Variants in GABRR2 observed in about 807,000 individuals in gnomAD.
GABRR2 encodes gamma-aminobutyric acid type A receptor subunit rho2, also known as gamma-aminobutyric acid receptor subunit rho-2.
Under a neutral mutation model 47.0 loss-of-function variants are expected in GABRR2, and 36 were observed. That is an observed-to-expected ratio of 0.77 (90% confidence interval 0.59 to 1.01). The LOEUF (loss-of-function observed/expected upper bound fraction) is 1.01, where lower values mean the gene tolerates loss of function less well. GABRR2 is among the 50% of genes least tolerant of loss of function. The pLI, the probability that GABRR2 is intolerant of heterozygous loss-of-function variation, is 0.00. For missense variants in GABRR2, 587 were observed against 594.6 expected, an observed-to-expected ratio of 0.99 and a Z score of 0.13; for synonymous variants, 204 against 227.5, an observed-to-expected ratio of 0.90 and a Z score of 0.93.
chr6:89,296,690 T>C (rs909513535), intron 2 of GABRR2, among the ~76,000 whole-genome samples: 5 of 152,188 alleles, frequency 3.3e-5, no homozygotes, highest in Non-Finnish European at 7.3e-5. Flanking sequence ...GATGCAGTGG[T>C]CACACCACAA....
chr6:89,314,721 C>G (rs1767733328), intron 1 of GABRR2, among the ~76,000 whole-genome samples: 1 of 152,034 alleles, frequency 6.6e-6, no homozygotes, highest in Non-Finnish European at 1.5e-5. Flanking sequence ...CGGTTGTAAC[C>G]CTGAGAAACA....
chr6:89,268,895 C>T, intron 4 of GABRR2, 116 bp downstream of exon 4: 2 of 823,878 alleles, frequency 2.4e-6, no homozygotes, highest in African/African-American at 1.7e-5. Flanking sequence ...TCAGAAGGCT[C>T]CTCCCATCCA....
intron 3 of GABRR2, 42 bp from the exon 4 acceptor site, chr6:89,269,276 G>A (rs1425316533): frequency 6.7e-7 from 1 of 1,491,418 alleles, no homozygotes; most frequent in African/African-American, 1.4e-5. Flanking sequence ...TGGCTTAGAA[G>A]GTTTTCTTCC....
intron 8 of GABRR2, among the ~76,000 whole-genome samples, chr6:89,260,270 A>G (rs1773716951): frequency 6.6e-6 from 1 of 152,168 alleles, no homozygotes; most frequent in Non-Finnish European, 1.5e-5. Context: ...TGATATTATC[A>G]TTGGGGGGTT....
At chr6:89,269,913 T>A (rs1368594339) in intron 3 of GABRR2, among the ~76,000 whole-genome samples, 1 of 152,192 alleles carries the variant, frequency 6.6e-6, no homozygotes, top group Non-Finnish European at 1.5e-5. Context: ...AAGAGTTTGG[T>A]CCTTCCCCAT....
chr6:89,267,103 A>G (rs1271447266), intron 6 of GABRR2, among the ~76,000 whole-genome samples: 1 of 149,832 alleles, frequency 6.7e-6, no homozygotes, highest in Non-Finnish European at 1.5e-5. Flanking sequence ...GGGTTCAAGC[A>G]ATTCTCCTGT....
At chr6:89,273,288 A>G (rs1261131424) in intron 2 of GABRR2, among the ~76,000 whole-genome samples, 1 of 152,184 alleles carries the variant, frequency 6.6e-6, no homozygotes, top group Non-Finnish European at 1.5e-5. Flanking sequence ...GCTGGAGTAC[A>G]GTGGCACAAT....
chr6:89,306,534 A>G (rs1291713328), intron 1 of GABRR2, among the ~76,000 whole-genome samples: 1 of 152,198 alleles, frequency 6.6e-6, no homozygotes, highest in Non-Finnish European at 1.5e-5. Context: ...CCTCCTTAGA[A>G]AGACAATTCA....
At chr6:89,271,268 G>A (rs1414141287) in intron 3 of GABRR2, among the ~76,000 whole-genome samples, 1 of 152,086 alleles carries the variant, frequency 6.6e-6, no homozygotes, top group Non-Finnish European at 1.5e-5. Flanking sequence ...GTGAGTAGGG[G>A]GACTGCACTT....
chr6:89,263,015 A>G (rs1270582612), intron 8 of GABRR2, among the ~76,000 whole-genome samples: 1 of 152,256 alleles, frequency 6.6e-6, no homozygotes, highest in African/African-American at 2.4e-5. Context: ...ATGGCTTTGT[A>G]AAATCTCCCA....
At chr6:89,262,427 C>T (rs982926653) in intron 8 of GABRR2, among the ~76,000 whole-genome samples, 1 of 152,232 alleles carries the variant, frequency 6.6e-6, no homozygotes, top group Non-Finnish European at 1.5e-5. Flanking sequence ...CCTACTCCAA[C>T]ACCTTCTCCT....
chr6:89,299,966 T>C, intron 1 of GABRR2, 101 bp from the exon 2 acceptor site: 1 of 745,248 alleles, frequency 1.3e-6, no homozygotes, highest in Non-Finnish European at 2.3e-6. Flanking sequence ...GTTAGGTACC[T>C]TTTCTCCATT....
chr6:89,293,227 A>T (rs1247257285), intron 2 of GABRR2, among the ~76,000 whole-genome samples: 7 of 152,226 alleles, frequency 4.6e-5, no homozygotes, highest in African/African-American at 1.7e-4. Flanking sequence ...TAATTCCTAT[A>T]TGATGTTGTT....
intron 2 of GABRR2, among the ~76,000 whole-genome samples, chr6:89,274,342 G>A (rs543390333): frequency 3.3e-5 from 5 of 152,260 alleles, no homozygotes; most frequent in Non-Finnish European, 5.9e-5. Flanking sequence ...TGGTCTGAGC[G>A]CTGCCTTTGA....
chr6:89,269,715 T>C (rs1774003228), intron 3 of GABRR2, among the ~76,000 whole-genome samples: 1 of 152,230 alleles, frequency 6.6e-6, no homozygotes, highest in South Asian at 2.1e-4. Context: ...TGCCCACCAT[T>C]GCATCCCCAT....
Position 89,314,971 on chromosome 6 carries a change from C to T in GABRR2, c.113+82G>A, listed in dbSNP as rs145522581. 43 of 1,234,420 alleles carry T rather than the reference C, an allele frequency of 3.5e-5. 1 individual carries two copies. Among genetic ancestry groups the T allele is most frequent in the African/African-American group, 3.4e-4 (23 of 66,934 alleles). 76.5% of individuals were successfully genotyped at this position (1,234,420 alleles called of 1,614,324 possible). A position where few individuals can be genotyped will look rare whatever the true frequency, so the allele number is the denominator to read the frequency against. On this transcript the variant is annotated intron_variant, in intron 1 of 8. Transcript: ENST00000402938. ...GGGCGATATCTCAATAGGACCTTAG[C>T]CCCCTGGGGAGCCATCCCACTGTGC...
In GABRR2 at chr6:89,265,681, A is replaced by C; in HGVS notation, c.821T>G (p.Leu274Arg). Residue 274 changes from leucine (L) to arginine (R), a missense_variant, in exon 7 of 9, where the codon CTG (leucine) becomes CGG (arginine). Coordinates refer to ENST00000402938, the MANE Select transcript of GABRR2 (RefSeq NM_002043.5). ...GGACACCCAGGACAGCATGACCATC[A>C]GAGTGGCAGGGAAATATGTTTGGAG... is the stretch of plus-strand genomic sequence containing the variant. ...FLLQTYFPAT[L>R]MVMLSWVSFW... The C allele has an allele frequency of 6.2e-7, 1 of 1,614,218 alleles. No individual in the cohort carries two copies. The highest frequency in any genetic ancestry group is 8.5e-7 in the Non-Finnish European group (1 of 1,180,044).
intron 1 of GABRR2, among the ~76,000 whole-genome samples, chr6:89,312,215 CAGG>C (rs1197818738): frequency 3.9e-5 from 6 of 152,108 alleles, no homozygotes; most frequent in Non-Finnish European, 8.8e-5. Context: ...GGCAGCAGGC[CAGG>C]AGGAGTAGGA....
At chr6:89,258,789 A>G (rs58786364) in intron 8 of GABRR2, among the ~76,000 whole-genome samples, 1 of 150,416 alleles carries the variant, frequency 6.6e-6, no homozygotes, top group Non-Finnish European at 1.5e-5. Flanking sequence ...CTTAAAAATT[A>G]CATTTGAGAG....
Sources: allele counts gnomAD v4.1 joint callset (sites outside exome capture counted in the v4.1 genomes callset), GRCh38; gene constraint gnomAD v4.1.1; transcripts MANE v1.5; gene names NCBI Gene and HGNC (gene_info 2026-07-23, HGNC 2026-07-21).